The following FOXP1 variants were observed in gnomAD, a reference collection of about 807,000 sequenced individuals.
The protein encoded by FOXP1 is forkhead box P1.
FOXP1 carries 15 observed loss-of-function variants against 98.2 expected under a neutral mutation model. That is an observed-to-expected ratio of 0.15 (90% confidence interval 0.10 to 0.24). The LOEUF (loss-of-function observed/expected upper bound fraction) is 0.24. Ranked by LOEUF, FOXP1 falls within the 10% of genes least tolerant of loss-of-function variation. FOXP1 has a pLI of 1.00. For synonymous variants in FOXP1, 371 were observed against 314.5 expected (o/e 1.18, Z -1.90); for missense variants, 633 against 848.5 (o/e 0.75, Z 3.15).
chr3:71,067,418 C>T (rs188858548), intron 7 of FOXP1, among the ~76,000 whole-genome samples: 2 of 152,124 alleles, frequency 1.3e-5, no homozygotes, highest in Middle Eastern at 3.4e-3. Flanking sequence ...TCGTTAAAAC[C>T]ATTTATTAAT....
At chr3:71,506,409 G>T (rs572017767) in intron 2 of FOXP1, among the ~76,000 whole-genome samples, 1 of 152,124 alleles carries the variant, frequency 6.6e-6, no homozygotes, top group African/African-American at 2.4e-5. Context: ...CCACGGCGGC[G>T]TATCTGCTAT....
At chr3:71,338,649 T>C (rs1024919583) in intron 4 of FOXP1, among the ~76,000 whole-genome samples, 7 of 152,014 alleles carry the variant, frequency 4.6e-5, no homozygotes, top group African/African-American at 1.7e-4. Context: ...CAGGATGGTC[T>C]CGAACTCCTG....
At chr3:71,113,808 G>GAAAAA in intron 6 of FOXP1, among the ~76,000 whole-genome samples, 1 of 148,480 alleles carries the variant, frequency 6.7e-6, no homozygotes, top group East Asian at 2.1e-4. Context: ...AAACCGCCAT[G>GAAAAA]AAGACATTCA....
chr3:71,533,101 C>A (rs762081106), intron 2 of FOXP1, among the ~76,000 whole-genome samples: 2 of 152,220 alleles, frequency 1.3e-5, no homozygotes, highest in African/African-American at 2.4e-5. Flanking sequence ...AACTCAACTG[C>A]TACAAAAATA....
In FOXP1 at chr3:71,234,653, G is replaced by A. The variant is rs144069182; in HGVS notation, c.-11-36261C>T. Among the ~76,000 whole-genome samples the A allele has an allele frequency of 5.0e-3, 756 of 152,230 alleles. 7 individuals are homozygous for A. The highest frequency in any genetic ancestry group is 0.018 in the African/African-American group (730 of 41,528). ...AATGTTTAGTGCAGATGAGTCTAAG[G>A]CATTTTCCTCTCCAGTTATGCACAG... On this transcript the variant is annotated intron_variant, in intron 5 of 20. Transcript: ENST00000649528.
intron 3 of FOXP1, among the ~76,000 whole-genome samples, chr3:71,489,004 C>G (rs2090869438): frequency 6.6e-6 from 1 of 152,218 alleles, no homozygotes. Flanking sequence ...GGCCCCCTGA[C>G]AGGCTGCAGC....
chr3:70,963,801 G>C (rs558868332), intron 20 of FOXP1, among the ~76,000 whole-genome samples: 1 of 152,276 alleles, frequency 6.6e-6, no homozygotes, highest in South Asian at 2.1e-4. Flanking sequence ...CCATAATTAT[G>C]TGACCACTTT....
chr3:71,379,746 T>TG (rs1394914688), intron 3 of FOXP1, among the ~76,000 whole-genome samples: 4 of 152,366 alleles, frequency 2.6e-5, no homozygotes, highest in African/African-American at 7.2e-5. Context: ...CTTGCTGATC[T>TG]GGGGCAATGT....
At chr3:71,433,034 T>TAA (rs149941095) in intron 3 of FOXP1, among the ~76,000 whole-genome samples, 1 of 149,098 alleles carries the variant, frequency 6.7e-6, no homozygotes, top group African/African-American at 2.5e-5. Flanking sequence ...CTTTTGGTGT[T>TAA]AAAAAAAAAA....
intron 4 of FOXP1, among the ~76,000 whole-genome samples, chr3:71,315,662 C>T (rs2075034876): frequency 2.0e-5 from 3 of 152,004 alleles, no homozygotes; most frequent in South Asian, 2.1e-4. Context: ...GTGGTGGGGA[C>T]GAAAGCAGGA....
At chr3:71,014,923 T>C (rs953976023) in intron 12 of FOXP1, among the ~76,000 whole-genome samples, 1 of 149,078 alleles carries the variant, frequency 6.7e-6, no homozygotes, top group Non-Finnish European at 1.5e-5. Flanking sequence ...TTCTCACACA[T>C]AGGTGGGAAT....
At chr3:71,201,177 C>T (rs749970382) in intron 5 of FOXP1, among the ~76,000 whole-genome samples, 2 of 152,118 alleles carry the variant, frequency 1.3e-5, no homozygotes, top group Non-Finnish European at 2.9e-5. Flanking sequence ...CAGAGTAAAG[C>T]GTCTATCAAA....
chr3:70,966,823 A>C (rs969324656), intron 19 of FOXP1, among the ~76,000 whole-genome samples: 1 of 152,214 alleles, frequency 6.6e-6, no homozygotes, highest in African/African-American at 2.4e-5. Flanking sequence ...GGAAATGAAA[A>C]AGAAGAAATC....
intron 2 of FOXP1, among the ~76,000 whole-genome samples, chr3:71,494,076 T>C (rs1164401511): frequency 6.6e-6 from 1 of 152,226 alleles, no homozygotes; most frequent in East Asian, 1.9e-4. Context: ...AAAATGATTA[T>C]GGATTACATA....
chr3:70,992,298 T>A (rs1309679146), intron 13 of FOXP1, among the ~76,000 whole-genome samples: 2 of 152,054 alleles, frequency 1.3e-5, no homozygotes, highest in Admixed American at 1.3e-4. Flanking sequence ...TATACAATGA[T>A]GATCCAAAGA....
chr3:71,521,381 GC>G (rs1348050559), intron 2 of FOXP1, among the ~76,000 whole-genome samples: 1 of 152,126 alleles, frequency 6.6e-6, no homozygotes, highest in Non-Finnish European at 1.5e-5. Flanking sequence ...ACAAAAATTA[GC>G]CAGGTGTGGT....
At chr3:71,088,216 A>G (rs1471034901) in intron 7 of FOXP1, among the ~76,000 whole-genome samples, 1 of 152,194 alleles carries the variant, frequency 6.6e-6, no homozygotes, top group Non-Finnish European at 1.5e-5. Flanking sequence ...TTCCCTAGAT[A>G]GACGCAAGAC....
chr3:71,000,829 T>TAAAATAAAATAAAAC (rs2042033939), intron 13 of FOXP1, 143 bp downstream of exon 13: 2 of 324,100 alleles, frequency 6.2e-6, no homozygotes, highest in African/African-American at 4.4e-5. Flanking sequence ...TAAAATAAAA[T>TAAAATAAAATAAAAC]AAAATAAAAT....
chr3:71,581,245 G>A (rs937015791), intron 2 of FOXP1: 1 of 985,262 alleles, frequency 1.0e-6, no homozygotes, highest in Non-Finnish European at 1.2e-6. Flanking sequence ...GTTATAAGAG[G>A]GGAGTGGGGT....
Sources: allele counts gnomAD v4.1 joint callset (sites outside exome capture counted in the v4.1 genomes callset), GRCh38; gene constraint gnomAD v4.1.1; transcripts MANE v1.5; gene names NCBI Gene and HGNC (gene_info 2026-07-23, HGNC 2026-07-21).